LMX1A: variants seen among roughly 807,000 people sequenced by gnomAD.
The protein encoded by LMX1A is LIM homeobox transcription factor 1 alpha.
A neutral mutation model predicts 49.1 loss-of-function variants in LMX1A; 15 were observed. The observed-to-expected ratio is 0.31, with a 90% CI of 0.20 to 0.47. The LOEUF (loss-of-function observed/expected upper bound fraction) is 0.47, where lower values mean the gene tolerates loss of function less well. Ranked by LOEUF, LMX1A falls within the 20% of genes least tolerant of loss-of-function variation. LMX1A has a pLI of 1.00. For synonymous variants in LMX1A, 167 were observed against 185.7 expected, an observed-to-expected ratio of 0.90 and a Z score of 0.82; for missense variants, 372 against 475.8, an observed-to-expected ratio of 0.78 and a Z score of 2.03.
intron 3 of LMX1A, among the ~76,000 whole-genome samples, chr1:165,258,648 G>T (rs1414154655): frequency 6.6e-6 from 1 of 152,184 alleles, no homozygotes; most frequent in African/African-American, 2.4e-5. Context: ...ACGTCCCAGA[G>T]GCTCCGCAAG....
Position 165,210,745 on chromosome 1 carries a change from A to T in LMX1A, c.701T>A (p.Leu234Gln). The change falls in exon 6 of 9, where the codon CTG becomes CAG. Residue 234 changes from leucine to glutamine, a missense_variant. This residue lies in a region of LMX1A where 46 missense variants were observed against 93.8 expected (regional missense o/e 0.49). Transcript: ENST00000342310. Reference protein sequence around the residue: ...VRETLAAETGLSVRVVQVWFQ... With the variant: ...VRETLAAETGQSVRVVQVWFQ... ...CCACACCTGGACGACACGGACACTC[A>T]GCCCTGTCTCTGCAGCCAGAGTCTC... 6.2e-7 allele frequency: 1 copy of T among 1,614,046 alleles called. No homozygotes were observed. The highest frequency in any genetic ancestry group is 8.5e-7 in the Non-Finnish European group (1 of 1,179,946).
intron 3 of LMX1A, among the ~76,000 whole-genome samples, chr1:165,296,193 C>T (rs1004023968): frequency 1.3e-5 from 2 of 152,228 alleles, no homozygotes; most frequent in Non-Finnish European, 1.5e-5. Context: ...ACCAAACATG[C>T]ATGTTTCTCA....
intron 4 of LMX1A, 69 bp downstream of exon 4, chr1:165,249,339 C>T: frequency 9.1e-7 from 1 of 1,104,338 alleles, no homozygotes; most frequent in Non-Finnish European, 1.4e-6. Flanking sequence ...AGGGAAGAAA[C>T]AATGCAGACA....
chr1:165,266,803 G>A (rs1291029541), intron 3 of LMX1A, among the ~76,000 whole-genome samples: 11 of 151,720 alleles, frequency 7.3e-5, no homozygotes, highest in Admixed American at 2.6e-4. Flanking sequence ...GGGTTTCACC[G>A]CGTTAGCCAG....
At chr1:165,260,610 T>G (rs1394446) in intron 3 of LMX1A, among the ~76,000 whole-genome samples, 4,487 of 152,236 alleles carry the variant, frequency 0.029, 204 homozygotes, top group African/African-American at 0.1. Flanking sequence ...GGAACTAAAT[T>G]TATTCTGAAA....
chr1:165,255,981 A>T (rs1653221999), intron 3 of LMX1A, among the ~76,000 whole-genome samples: 1 of 152,154 alleles, frequency 6.6e-6, no homozygotes, highest in Non-Finnish European at 1.5e-5. Flanking sequence ...TCAAAAAAAA[A>T]AAAGAATGTT....
intron 5 of LMX1A, 42 bp downstream of exon 5, chr1:165,213,599 A>G (rs910192318): frequency 6.4e-7 from 1 of 1,570,630 alleles, no homozygotes; most frequent in Non-Finnish European, 8.7e-7. Context: ...GCACACAGAG[A>G]AGTGGGGCCC....
chr1:165,229,973 AGGCCTTT>A (rs1652182905), intron 4 of LMX1A, among the ~76,000 whole-genome samples: 1 of 152,208 alleles, frequency 6.6e-6, no homozygotes, highest in Non-Finnish European at 1.5e-5. Context: ...TTAAAAGGTT[AGGCCTTT>A]GGAGGTCATT....
At chr1:165,314,088 C>T (rs891606473) in intron 3 of LMX1A, among the ~76,000 whole-genome samples, 4 of 152,202 alleles carry the variant, frequency 2.6e-5, no homozygotes, top group Non-Finnish European at 4.4e-5. Context: ...ACCAAGCCAG[C>T]TCCCTAAGCC....
At chr1:165,265,054 A>T (rs555405007) in intron 3 of LMX1A, among the ~76,000 whole-genome samples, 17 of 152,164 alleles carry the variant, frequency 1.1e-4, no homozygotes, top group African/African-American at 4.1e-4. Context: ...ATGCAAAAAA[A>T]TTAGCCGGGC....
intron 3 of LMX1A, among the ~76,000 whole-genome samples, chr1:165,280,287 G>A (rs753241327): frequency 2.0e-5 from 3 of 151,970 alleles, no homozygotes; most frequent in East Asian, 1.9e-4. Flanking sequence ...TCCTCACCTC[G>A]GACTCAGGGA....
intron 3 of LMX1A, among the ~76,000 whole-genome samples, chr1:165,327,872 C>G (rs1655632811): frequency 1.3e-5 from 2 of 152,226 alleles, no homozygotes; most frequent in Non-Finnish European, 2.9e-5. Flanking sequence ...ATCCTTCTCA[C>G]TAAGAGGGCT....
intron 3 of LMX1A, among the ~76,000 whole-genome samples, chr1:165,329,069 A>T (rs1157057958): frequency 6.6e-6 from 1 of 152,142 alleles, no homozygotes; most frequent in East Asian, 1.9e-4. Context: ...GGTTTAATTG[A>T]CTCACAGTTC....
chr1:165,245,559 G>A (rs1431517384), intron 4 of LMX1A, among the ~76,000 whole-genome samples: 1 of 151,286 alleles, frequency 6.6e-6, no homozygotes, highest in African/African-American at 2.4e-5. Context: ...GATTCTCTCT[G>A]GTTCGTCAAT....
intron 3 of LMX1A, among the ~76,000 whole-genome samples, chr1:165,330,818 A>G (rs935193892): frequency 3.2e-4 from 49 of 152,216 alleles, no homozygotes; most frequent in Admixed American, 2.6e-4. Context: ...CTGGAAAGAC[A>G]CAGAGAAGAG....
chr1:165,322,179 G>T (rs977384099), intron 3 of LMX1A, among the ~76,000 whole-genome samples: 4 of 152,072 alleles, frequency 2.6e-5, no homozygotes, highest in Admixed American at 1.3e-4. Flanking sequence ...AAAATAATGA[G>T]TGTTGGTGAG....
Position 165,208,105 on chromosome 1 carries a change from G to T in LMX1A, c.775C>A (p.Gln259Lys). 1.2e-6 allele frequency: 2 copies of T among 1,614,026 alleles called. No individual in the cohort carries two copies. The highest frequency in any genetic ancestry group is 1.7e-6 in the Non-Finnish European group (2 of 1,179,994). The change falls in exon 7 of 9, where the codon CAG becomes AAG. Residue 259 changes from glutamine (Q) to lysine (K), a missense_variant. Physicochemically the swap from Gln to Lys is moderately conservative, Grantham distance 53 (BLOSUM62 1). This residue lies in a region of LMX1A where 46 missense variants were observed against 93.8 expected (regional missense o/e 0.49). Coordinates refer to ENST00000342310, the MANE Select transcript of LMX1A (RefSeq NM_177398.4). ...GTGTTCTGCTGATCTTGCTGCTGCT[G>T]CTGCTGTCGCCTGGCCAGCTTCTTC... ...KMKKLARRQQ[Q>K]QQQDQQNTQR...
At chr1:165,333,880 C>T in intron 3 of LMX1A, among the ~76,000 whole-genome samples, 1 of 152,056 alleles carries the variant, frequency 6.6e-6, no homozygotes, top group Non-Finnish European at 1.5e-5. Flanking sequence ...GTAGGGATTG[C>T]CTATGAATCT....
At chr1:165,324,212 A>G (rs777214145) in intron 3 of LMX1A, among the ~76,000 whole-genome samples, 5 of 152,240 alleles carry the variant, frequency 3.3e-5, no homozygotes, top group Non-Finnish European at 7.3e-5. Context: ...TGAGGGGCAC[A>G]GACTAGTCAG....
Sources: allele counts gnomAD v4.1 joint callset (sites outside exome capture counted in the v4.1 genomes callset), GRCh38; gene constraint gnomAD v4.1.1; regional missense constraint gnomAD v4.1.1; transcripts MANE v1.5; gene names NCBI Gene and HGNC (gene_info 2026-07-23, HGNC 2026-07-21).